DNAH17: variants seen among roughly 807,000 people sequenced by gnomAD.
DNAH17 encodes axonemal beta dynein heavy chain 17.
A neutral mutation model predicts 485.6 loss-of-function variants in DNAH17; 376 were observed. The observed-to-expected ratio is 0.77, with a 90% CI of 0.71 to 0.84. DNAH17 has a LOEUF of 0.84. Among genes scored for constraint, DNAH17 ranks in the 40% least tolerant of loss-of-function variants. The pLI, the probability that DNAH17 is intolerant of heterozygous loss-of-function variation, is 0.00. For synonymous variants in DNAH17, 3,031 were observed against 2,405.9 expected, an observed-to-expected ratio of 1.26 and a Z score of -7.60; for missense variants, 6,370 against 5,839.3, an observed-to-expected ratio of 1.09 and a Z score of -2.96.
At chr17:78,453,613 G>A (rs187748639) in intron 64 of DNAH17, 148 bp from the exon 65 acceptor site, 35 of 1,052,052 alleles carry the variant, frequency 3.3e-5, no homozygotes, top group Middle Eastern at 6.4e-4. Flanking sequence ...CCAACAGCTC[G>A]CCCTTTCCTG....
In DNAH17 at chr17:78,529,399, G is replaced by T. The variant is rs144058900; in HGVS notation, c.3507+73C>A. The T allele has an allele frequency of 1.3e-5, 19 of 1,451,970 alleles. No homozygotes were observed. The African/African-American group carries it at 2.2e-4, about 17-fold the overall frequency. The allele number at this position is 1,451,970 out of a possible 1,614,324, so 89.9% of individuals were successfully genotyped here. On this transcript the variant is annotated intron_variant, in intron 22 of 80. Coordinates refer to ENST00000389840, the MANE Select transcript of DNAH17 (RefSeq NM_173628.4). ...GCATCCCCCATGGTTGCGTTTGATG[G>T]GCTGGTCCATGGTCGCGGCCGGGAT...
intron 13 of DNAH17, among the ~76,000 whole-genome samples, chr17:78,560,170 A>C (rs73999131): frequency 0.03 from 4,618 of 152,194 alleles, 241 homozygotes; most frequent in African/African-American, 0.1. Context: ...GACTGTCTGG[A>C]TCACTAATTT....
In DNAH17 at chr17:78,427,007, G is replaced by A. The variant is rs760269542; in HGVS notation, c.12690C>T (p.Val4230=). ...KAAEKTPYVV[V]AFQECERMNI... ...TCATTCTTTCACATTCTTGAAAGGC[G>A]ACTACCACGTAGGGGGTCTTTTCCG... The change falls in exon 78 of 81, where the codon GTC becomes GTT. Residue 4230 remains valine (V), a synonymous_variant. Transcript: ENST00000389840. 33 of 1,609,838 alleles carry A rather than the reference G, an allele frequency of 2.0e-5. No homozygotes were observed. Among genetic ancestry groups the A allele is most frequent in the Middle Eastern group, 1.6e-4 (1 of 6,084 alleles).
chr17:78,494,295 C>T lies in DNAH17; in HGVS notation c.6271-122G>A, dbSNP rs1568149802. ...ATAAAGGCGCCCTTGCCCTCCGATG[C>T]ACGTGCGTCTGCAAGTTCTGCTGTC... On this transcript the variant is annotated intron_variant, in intron 40 of 80. Coordinates refer to ENST00000389840, the MANE Select transcript of DNAH17 (RefSeq NM_173628.4). The T allele has an allele frequency of 5.1e-6, 7 of 1,384,496 alleles. No individual in the cohort carries two copies. In the East Asian group the frequency reaches 1.4e-4, roughly 29 times the overall value. The allele number at this position is 1,384,496 out of a possible 1,614,324, so 85.8% of individuals were successfully genotyped here.
At chr17:78,555,758 G>C (rs1324727820) in intron 14 of DNAH17, among the ~76,000 whole-genome samples, 1 of 152,132 alleles carries the variant, frequency 6.6e-6, no homozygotes, top group Non-Finnish European at 1.5e-5. Flanking sequence ...CATTGGAATG[G>C]GTGGGCTCAG....
At chr17:78,511,256 T>C (rs1391388613) in intron 26 of DNAH17, among the ~76,000 whole-genome samples, 1 of 152,210 alleles carries the variant, frequency 6.6e-6, no homozygotes, top group East Asian at 1.9e-4. Flanking sequence ...TACAGGCACG[T>C]ACCACCACGT....
intron 48 of DNAH17, 101 bp downstream of exon 48, chr17:78,484,767 G>T: frequency 1.4e-5 from 3 of 218,636 alleles, no homozygotes; most frequent in African/African-American, 6.2e-5. Context: ...CACCAGTCCT[G>T]CCCTACTGCC....
chr17:78,564,955 G>A (rs2143681361), intron 11 of DNAH17, among the ~76,000 whole-genome samples: 1 of 152,228 alleles, frequency 6.6e-6, no homozygotes, highest in African/African-American at 2.4e-5. Context: ...AATGTTGCCA[G>A]ATTCTTTGCT....
At chr17:78,453,773 G>A (rs942182962) in intron 64 of DNAH17, among the ~76,000 whole-genome samples, 3 of 152,190 alleles carry the variant, frequency 2.0e-5, no homozygotes, top group African/African-American at 7.2e-5. Context: ...CTGCAACCTT[G>A]ACCTCCCAGG....
intron 49 of DNAH17, among the ~76,000 whole-genome samples, chr17:78,480,454 C>A (rs910266053): frequency 3.9e-5 from 6 of 152,154 alleles, no homozygotes; most frequent in African/African-American, 1.4e-4. Context: ...GATTTAACTG[C>A]AATTTTATTT....
At chr17:78,500,796 C>G (rs1053770476) in intron 35 of DNAH17, 8 of 223,422 alleles carry the variant, frequency 3.6e-5, no homozygotes, top group Non-Finnish European at 5.2e-5. Context: ...GGCATGAGCC[C>G]CAGGAGACAC....
At position 78,429,156 on chromosome 17, in the gene DNAH17, G is replaced by A. The variant is rs371924441; in HGVS notation, c.12370C>T (p.Pro4124Ser). 9.9e-6 allele frequency: 16 copies of A among 1,613,288 alleles called. No homozygotes were observed. Among genetic ancestry groups the A allele is most frequent in the Non-Finnish European group, 1.2e-5 (14 of 1,179,806 alleles). Reference protein sequence around the residue: ...EMLEGDVLLAPGFQIPPNLDY... With the variant: ...EMLEGDVLLASGFQIPPNLDY... ...AGGTTGGGGGGGATCTGAAAGCCGG[G>A]GGCCAGCAGGACGTCTCCCTCCAGC... is the stretch of plus-strand genomic sequence containing the variant. The change falls in exon 76 of 81, where the codon CCC (proline) becomes TCC (serine). Residue 4124 changes from proline (P) to serine (S), a missense_variant. Pro to Ser is a moderately conservative substitution (Grantham distance 74, BLOSUM62 -1). Coordinates refer to ENST00000389840, the MANE Select transcript of DNAH17 (RefSeq NM_173628.4).
chr17:78,455,868 T>C (rs572248628), intron 62 of DNAH17, 32 bp from the exon 63 acceptor site: 62 of 1,538,398 alleles, frequency 4.0e-5, no homozygotes, highest in Middle Eastern at 1.7e-4. Flanking sequence ...TAAAACATAT[T>C]TGCACAAGTG....
rs370171238 is a variant in DNAH17, at chr17:78,552,728, G to A, written c.2256C>T (p.Ser752=). ...CATTCCAGAATAATGTCGTTTCAGCGCTCAATAACTTGACATCAATTGCTT... is the reference window on the plus strand; with the variant it reads ...CATTCCAGAATAATGTCGTTTCAGCACTCAATAACTTGACATCAATTGCTT... The part of the protein sequence containing the change: ...ELEAIDVKLL[S]AETTLFWNGE... The change falls in exon 15 of 81, where the codon AGC becomes AGT. Residue 752 remains serine (S), a synonymous_variant. Transcript: ENST00000389840. 30 of 1,613,720 alleles carry A rather than the reference G, an allele frequency of 1.9e-5. No individual in the cohort carries two copies. The highest frequency in any genetic ancestry group is 8.0e-5 in the African/African-American group (6 of 74,898).
intron 1 of DNAH17, among the ~76,000 whole-genome samples, chr17:78,575,919 T>C (rs185296462): frequency 8.5e-5 from 13 of 152,378 alleles, no homozygotes; most frequent in Admixed American, 2.6e-4. Context: ...AGACAGGCTC[T>C]GGCAAGAGGC....
intron 65 of DNAH17, 40 bp downstream of exon 65, chr17:78,453,303 T>A (rs1251083387): frequency 2.5e-6 from 4 of 1,606,442 alleles, no homozygotes; most frequent in African/African-American, 1.3e-5. Context: ...GGCCTGAAGA[T>A]GTTTACCTGG....
intron 14 of DNAH17, 104 bp downstream of exon 14, chr17:78,558,004 G>T (rs2092064415): frequency 7.4e-7 from 1 of 1,350,404 alleles, no homozygotes; most frequent in Non-Finnish European, 1.0e-6. Context: ...TGAATGGGAA[G>T]ATTTCCCAGG....
At position 78,525,336 on chromosome 17, in the gene DNAH17, G is replaced by C. The variant is rs74387598; in HGVS notation, c.3712-175C>G. Among the ~76,000 whole-genome samples, 865 of 152,254 alleles carry C rather than the reference G, an allele frequency of 5.7e-3. 10 individuals are homozygous for C. Among genetic ancestry groups the C allele is most frequent in the African/African-American group, 0.02 (829 of 41,560 alleles). On this transcript the variant is annotated intron_variant, in intron 24 of 80. Transcript: ENST00000389840. ...GAGGACAGAGCCCTCCATCCCCCAA[G>C]GCCTCCTGGGTCCTGCCTGCAGGGG...
chr17:78,492,907 A>C, intron 41 of DNAH17, 142 bp from the exon 42 acceptor site: 1 of 881,738 alleles, frequency 1.1e-6, no homozygotes, highest in Non-Finnish European at 1.6e-6. Context: ...GCTGGAGTGC[A>C]GTGGTGTGAT....
Sources: gnomAD v4.1 joint callset for allele counts (sites outside exome capture counted in the v4.1 genomes callset) on GRCh38, gnomAD v4.1.1 for gene constraint, MANE v1.5 for transcripts, NCBI Gene and HGNC (gene_info 2026-07-23, HGNC 2026-07-21) for gene names.